GPATCH8: variants seen among roughly 807,000 people sequenced by gnomAD.
The protein encoded by GPATCH8 is G-patch domain containing 8.
GPATCH8 carries 18 observed loss-of-function variants against 118.3 expected under a neutral mutation model. The ratio of observed to expected loss-of-function variants is 0.15; its 90% CI spans 0.11 to 0.23. GPATCH8 has a LOEUF of 0.23. Ranked by LOEUF, GPATCH8 falls within the 10% of genes least tolerant of loss-of-function variation. The probability of loss-of-function intolerance (pLI) is 1.00; values close to 1 mark genes in which losing one functional copy is unlikely to be tolerated. For missense variants in GPATCH8, 1,631 were observed against 1,873.8 expected (o/e 0.87, Z 2.39); for synonymous variants, 659 against 684.7 (o/e 0.96, Z 0.59).
At chr17:44,465,244 T>G (rs2051716109) in intron 2 of GPATCH8, 1 of 152,050 alleles carries the variant, frequency 6.6e-6, no homozygotes, top group East Asian at 1.9e-4. Context: ...CAACATGTAG[T>G]CTAACAAAAA....
intron 1 of GPATCH8, among the ~76,000 whole-genome samples, chr17:44,482,469 A>G (rs981222592): frequency 1.3e-5 from 2 of 148,630 alleles, no homozygotes; most frequent in African/African-American, 5.0e-5. Flanking sequence ...AGCTACTCAG[A>G]AGGTTGAGGC....
intron 5 of GPATCH8, among the ~76,000 whole-genome samples, chr17:44,427,940 C>T (rs2050147658): frequency 6.6e-6 from 1 of 152,056 alleles, no homozygotes; most frequent in African/African-American, 2.4e-5. Context: ...TCCATGTATC[C>T]ATCCATCCAT....
intron 1 of GPATCH8, among the ~76,000 whole-genome samples, chr17:44,497,162 C>CT (rs751927291): frequency 3.3e-5 from 5 of 152,190 alleles, no homozygotes; most frequent in Non-Finnish European, 7.4e-5. Flanking sequence ...GAACTGGAAT[C>CT]TATCTACTTC....
Position 44,396,250 on chromosome 17 carries a change from C to A in GPATCH8, c.*1318G>T, listed in dbSNP as rs1024332772. On this transcript the variant is annotated 3_prime_UTR_variant, in exon 8 of 8. Coordinates refer to ENST00000591680, the MANE Select transcript of GPATCH8 (RefSeq NM_001002909.4). ...ACCCAGGAATCCCCCCAGACAATCA[C>A]CAAATCTCACTGCTTCCAGACAATA... The A allele has an allele frequency of 2.4e-5, 11 of 454,384 alleles. No homozygotes were observed. Among genetic ancestry groups the A allele is most frequent in the Non-Finnish European group, 4.4e-5 (10 of 226,774 alleles). The allele number at this position is 454,384 out of a possible 1,614,324, so 28.1% of individuals were successfully genotyped here.
In GPATCH8 at chr17:44,395,919, A is replaced by G. The variant is rs751540757; in HGVS notation, c.*1649T>C. On this transcript the variant is annotated 3_prime_UTR_variant, in exon 8 of 8. Transcript: ENST00000591680. ...TTAATTAGGGCTGAGAGCCTGGGTG[A>G]AAGGCAAGAAGAGGGGCAAAAGAGG... 112 of 454,104 alleles carry G rather than the reference A, an allele frequency of 2.5e-4. No individual in the cohort carries two copies. Among genetic ancestry groups the G allele is most frequent in the Non-Finnish European group, 1.9e-4 (44 of 226,718 alleles). The allele number at this position is 454,104 out of a possible 1,614,324, so 28.1% of individuals were successfully genotyped here.
chr17:44,405,512 T>C (rs1309654699), intron 7 of GPATCH8, among the ~76,000 whole-genome samples: 1 of 90,100 alleles, frequency 1.1e-5, no homozygotes, highest in Non-Finnish European at 2.5e-5. Context: ...CCGGCCACTT[T>C]TGTTTTTTTT....
Position 44,400,031 on chromosome 17 carries a change from T to C in GPATCH8, c.2046A>G (p.Lys682=). ...GTTTACGTTTGTGTTTGCTGGATTTTTTGTGCTTCTTTTTCTTTTTGTGCC... is the reference window on the plus strand; with the variant it reads ...GTTTACGTTTGTGTTTGCTGGATTTCTTGTGCTTCTTTTTCTTTTTGTGCC... ...SHRHKKKKKH[K]KSSKHKRKHK... The change falls in exon 8 of 8, where the codon AAA becomes AAG. Residue 682 remains lysine, a synonymous_variant. Coordinates refer to ENST00000591680, the MANE Select transcript of GPATCH8 (RefSeq NM_001002909.4). The C allele has an allele frequency of 6.2e-7, 1 of 1,614,126 alleles. No individual in the cohort carries two copies. Among genetic ancestry groups the C allele is most frequent in the Non-Finnish European group, 8.5e-7 (1 of 1,180,012 alleles).
intron 5 of GPATCH8, among the ~76,000 whole-genome samples, chr17:44,431,839 T>C (rs942091741): frequency 6.6e-6 from 1 of 150,946 alleles, no homozygotes; most frequent in African/African-American, 2.5e-5. Flanking sequence ...GGTGGGAGGA[T>C]TGTATGAGCC....
At chr17:44,402,501 TGC>T in intron 7 of GPATCH8, among the ~76,000 whole-genome samples, 1 of 152,088 alleles carries the variant, frequency 6.6e-6, no homozygotes, top group Non-Finnish European at 1.5e-5. Flanking sequence ...GAAAAACTCT[TGC>T]TGGGTCAGGG....
chr17:44,443,527 G>C (rs375788707), intron 3 of GPATCH8, among the ~76,000 whole-genome samples: 4 of 151,900 alleles, frequency 2.6e-5, no homozygotes, highest in African/African-American at 9.7e-5. Context: ...TTAATCCCTA[G>C]AGAGTTTTTA....
In GPATCH8 at chr17:44,474,686, T is replaced by A. The variant is rs113774011; in HGVS notation, c.120+143A>T. ...TATTAGATTACATCCCAAGCTTTAA[T>A]TGATTACTGTATGGCATGCAAGAAA... On this transcript the variant is annotated intron_variant, in intron 2 of 7. Transcript: ENST00000591680. 1,058 of 704,056 alleles carry A rather than the reference T, an allele frequency of 1.5e-3. 14 individuals carry two copies. Among genetic ancestry groups the A allele is most frequent in the African/African-American group, 0.014 (792 of 57,248 alleles). 43.6% of individuals were successfully genotyped at this position (704,056 alleles called of 1,614,324 possible). A position where few individuals can be genotyped will look rare whatever the true frequency, so the allele number is the denominator to read the frequency against.
At chr17:44,495,779 T>A (rs1361969803) in intron 1 of GPATCH8, among the ~76,000 whole-genome samples, 1 of 152,246 alleles carries the variant, frequency 6.6e-6, no homozygotes, top group East Asian at 1.9e-4. Flanking sequence ...AGATACCTCA[T>A]AATTTCACTC....
intron 2 of GPATCH8, 88 bp from the exon 3 acceptor site, chr17:44,464,632 G>T: frequency 1.2e-6 from 1 of 832,330 alleles, no homozygotes; most frequent in Non-Finnish European, 2.1e-6. Context: ...TGATGAGCAA[G>T]AGATACTTCT....
At chr17:44,462,443 T>G (rs1312730674) in intron 3 of GPATCH8, among the ~76,000 whole-genome samples, 1 of 152,226 alleles carries the variant, frequency 6.6e-6, no homozygotes, top group African/African-American at 2.4e-5. Flanking sequence ...TCTGGGCTCT[T>G]ACAAAATCTG....
intron 3 of GPATCH8, among the ~76,000 whole-genome samples, chr17:44,449,749 G>GGTGCT (rs1301245205): frequency 2.0e-5 from 3 of 151,992 alleles, no homozygotes; most frequent in Non-Finnish European, 2.9e-5. Flanking sequence ...CTGACCTCAG[G>GGTGCT]TGATCCGCCC....
chr17:44,437,666 C>T (rs1211943267), intron 3 of GPATCH8, among the ~76,000 whole-genome samples: 2 of 150,708 alleles, frequency 1.3e-5, no homozygotes, highest in Admixed American at 1.3e-4. Context: ...CCAAAAAAAA[C>T]TTTTTAAAAA....
At chr17:44,501,275 G>T (rs1001993042) in intron 1 of GPATCH8, among the ~76,000 whole-genome samples, 2 of 151,986 alleles carry the variant, frequency 1.3e-5, no homozygotes, top group African/African-American at 2.4e-5. Context: ...AAATTAGCCG[G>T]GTATGGTGGC....
chr17:44,408,566 A>T (rs984244949), intron 6 of GPATCH8, among the ~76,000 whole-genome samples: 5 of 152,142 alleles, frequency 3.3e-5, no homozygotes, highest in African/African-American at 1.2e-4. Flanking sequence ...CCCTCTTACA[A>T]ATATTTCACT....
At chr17:44,503,004 G>GC (rs1970209829) in intron 1 of GPATCH8, among the ~76,000 whole-genome samples, 1 of 152,248 alleles carries the variant, frequency 6.6e-6, no homozygotes, top group Non-Finnish European at 1.5e-5. Flanking sequence ...CTGGGAGCCA[G>GC]CCCTTCGCCG....
Sources: allele counts gnomAD v4.1 joint callset (sites outside exome capture counted in the v4.1 genomes callset), GRCh38; gene constraint gnomAD v4.1.1; transcripts MANE v1.5; gene names NCBI Gene and HGNC (gene_info 2026-07-23, HGNC 2026-07-21).